Variants in CLCA2 observed in about 807,000 individuals in gnomAD.
CLCA2 encodes the protein chloride channel accessory 2, also known as calcium-activated chloride channel regulator 2.
Under a neutral mutation model 82.9 loss-of-function variants are expected in CLCA2, and 85 were observed. That is an observed-to-expected ratio of 1.03 (90% CI 0.86 to 1.23). The LOEUF (loss-of-function observed/expected upper bound fraction) is 1.23, where lower values mean the gene tolerates loss of function less well. Among genes scored for constraint, CLCA2 ranks in the 50% most tolerant of loss-of-function variants. CLCA2 has a pLI of 0.00. For synonymous variants in CLCA2, 421 were observed against 391.7 expected, an observed-to-expected ratio of 1.07 and a Z score of -0.88; for missense variants, 1,089 against 1,124.8, an observed-to-expected ratio of 0.97 and a Z score of 0.45.
chr1:86,424,541 C>A, intron 1 of CLCA2, 108 bp downstream of exon 1: 1 of 895,050 alleles, frequency 1.1e-6, no homozygotes, highest in Non-Finnish European at 1.6e-6. Context: ...ATACAGAGAA[C>A]AGCATTTTTA....
chr1:86,444,698 C>A (rs561700329), intron 10 of CLCA2, among the ~76,000 whole-genome samples: 25 of 152,026 alleles, frequency 1.6e-4, no homozygotes, highest in Admixed American at 5.9e-4. Flanking sequence ...AGTAGTGAGG[C>A]TAGACAGGTA....
rs1326946942 is a variant in CLCA2 at position 86,447,642 on chromosome 1, C to T, written c.1848C>T (p.Leu616=). 6.2e-7 allele frequency: 1 copy of T among 1,614,092 alleles called. No individual in the cohort carries two copies. Among genetic ancestry groups the T allele is most frequent in the African/African-American group, 1.3e-5 (1 of 75,010 alleles). Residue 616 remains leucine, a synonymous_variant, in exon 11 of 14, where the codon CTC becomes CTT. Transcript: ENST00000370565. ...TVEAFVERDS[L]HFPHPVMIYA... is the part of the protein sequence containing the mutation. Reference sequence around the variant, plus strand: ...AAGCCTTTGTGGAAAGAGACAGCCTCCATTTTCCTCATCCTGTGATGATTT... The same window carrying T: ...AAGCCTTTGTGGAAAGAGACAGCCTTCATTTTCCTCATCCTGTGATGATTT...
Position 86,425,332 on chromosome 1 carries a change from G to T in CLCA2, c.187-7G>T. ...GTAAAGTAAGTTTTTCTTTTGTCTG[G>T]CTGTAGGAAATGATAACTGAAGCTT... On this transcript the variant is annotated splice_polypyrimidine_tract_variant and splice_region_variant and intron_variant, in intron 1 of 13. Coordinates refer to ENST00000370565, the MANE Select transcript of CLCA2 (RefSeq NM_006536.7). 1.3e-6 allele frequency: 2 copies of T among 1,545,528 alleles called. No individual in the cohort carries two copies. Among genetic ancestry groups the T allele is most frequent in the East Asian group, 2.3e-5 (1 of 43,314 alleles).
At chr1:86,445,732 CT>C (rs879815963) in intron 10 of CLCA2, among the ~76,000 whole-genome samples, 17 of 152,112 alleles carry the variant, frequency 1.1e-4, no homozygotes, top group Admixed American at 1.1e-3. Context: ...GTAAGATTTT[CT>C]GCATTCATTT....
intron 12 of CLCA2, among the ~76,000 whole-genome samples, chr1:86,451,417 AT>A (rs1662965677): frequency 6.6e-6 from 1 of 152,092 alleles, no homozygotes; most frequent in Non-Finnish European, 1.5e-5. Context: ...TTATTCATGT[AT>A]TTTAGAAGTT....
intron 12 of CLCA2, among the ~76,000 whole-genome samples, chr1:86,451,063 GA>G (rs1315970833): frequency 1.3e-5 from 2 of 152,114 alleles, no homozygotes; most frequent in Non-Finnish European, 2.9e-5. Flanking sequence ...TTCCTCTATA[GA>G]GGTTTAGGCA....
At chr1:86,444,879 TTTGTTG>T (rs199948615) in intron 10 of CLCA2, among the ~76,000 whole-genome samples, 72 of 148,132 alleles carry the variant, frequency 4.9e-4, no homozygotes, top group African/African-American at 6.2e-4. Flanking sequence ...CACCCCCACT[TTTGTTG>T]TTGTTGTTGT....
chr1:86,446,863 C>T (rs1662864538), intron 10 of CLCA2, among the ~76,000 whole-genome samples: 3 of 152,122 alleles, frequency 2.0e-5, no homozygotes, highest in African/African-American at 4.8e-5. Flanking sequence ...GTAGGTTTTT[C>T]CCAGGCAGAT....
chr1:86,435,804 A>C (rs1218189562), intron 6 of CLCA2, among the ~76,000 whole-genome samples: 1 of 152,186 alleles, frequency 6.6e-6, no homozygotes, highest in African/African-American at 2.4e-5. Flanking sequence ...TGAAATACTC[A>C]AAACTCATCA....
intron 12 of CLCA2, among the ~76,000 whole-genome samples, chr1:86,452,176 C>CTTTTTT (rs753484167): frequency 3.9e-4 from 17 of 43,938 alleles, no homozygotes; most frequent in East Asian, 8.2e-4. Flanking sequence ...AACCTGGAAG[C>CTTTTTT]TTTTTTTTTT....
intron 6 of CLCA2, 91 bp downstream of exon 6, chr1:86,434,836 T>C: frequency 4.7e-6 from 5 of 1,059,960 alleles, no homozygotes; most frequent in Admixed American, 4.2e-5. Context: ...CTGGGGTACA[T>C]GTGCAGGACG....
rs773835115 is a variant in CLCA2 at position 86,428,482 on chromosome 1, G to A, written c.389G>A (p.Arg130Lys). The change falls in exon 3 of 14, where the codon AGA becomes AAA. Residue 130 changes from arginine (R) to lysine (K), a missense_variant. Physicochemically the swap from Arg to Lys is conservative, Grantham distance 26. Transcript: ENST00000370565. ...HGDDPYTLQY[R>K]GCGKEGKYIH... ...GATGATCCATACACCCTACAATACA[G>A]AGGGTGTGGAAAAGAGGGAAAATAC... is the stretch of plus-strand genomic sequence containing the variant. The A allele has an allele frequency of 2.5e-6, 4 of 1,613,180 alleles. No individual in the cohort carries two copies. Among genetic ancestry groups the A allele is most frequent in the South Asian group, 2.2e-5 (2 of 91,040 alleles).
intron 10 of CLCA2, among the ~76,000 whole-genome samples, chr1:86,446,271 T>G (rs2101708408): frequency 6.8e-6 from 1 of 146,450 alleles, no homozygotes; most frequent in East Asian, 2.0e-4. Flanking sequence ...CAGGCCCAAG[T>G]GGTAAATCTT....
rs1662924839 is a variant in CLCA2 at position 86,449,759 on chromosome 1, A to G, written c.1985-804A>G. ...ATAGAGGACAAGCTGCTTGCCCACT[A>G]TGGCCACCTGTACTTGAATGGCAAA... On this transcript the variant is annotated intron_variant, in intron 11 of 13. Coordinates refer to ENST00000370565, the MANE Select transcript of CLCA2 (RefSeq NM_006536.7). Among the ~76,000 whole-genome samples, 3 of 152,282 alleles carry G rather than the reference A, an allele frequency of 2.0e-5. No individual in the cohort carries two copies. In the South Asian group the frequency reaches 6.2e-4, roughly 32 times the overall value.
chr1:86,440,044 G>T, intron 7 of CLCA2, 104 bp from the exon 8 acceptor site: 1 of 1,092,642 alleles, frequency 9.2e-7, no homozygotes, highest in Non-Finnish European at 1.4e-6. Context: ...GATGGGCGTG[G>T]GGTGTAGGAG....
chr1:86,434,870 C>T, intron 6 of CLCA2, 125 bp downstream of exon 6: 2 of 759,098 alleles, frequency 2.6e-6, no homozygotes, highest in East Asian at 2.7e-5. Context: ...CACAGGTAGA[C>T]ATGTGCCATA....
intron 13 of CLCA2, 75 bp from the exon 14 acceptor site, chr1:86,455,010 C>T (rs1312679163): frequency 1.2e-6 from 1 of 853,392 alleles, no homozygotes. Flanking sequence ...TTGCTGTTCT[C>T]ATTAGTAATT....
At position 86,434,543 on chromosome 1, in the gene CLCA2, C is replaced by T. The variant is rs761719997; in HGVS notation, c.770C>T (p.Thr257Ile). 1.2e-6 allele frequency: 2 copies of T among 1,613,950 alleles called. No homozygotes were observed. The highest frequency in any genetic ancestry group is 2.2e-5 in the East Asian group (1 of 44,864). Residue 257 changes from threonine to isoleucine, a missense_variant, in exon 6 of 14, where the codon ACC becomes ATC. Coordinates refer to ENST00000370565, the MANE Select transcript of CLCA2 (RefSeq NM_006536.7). ...GTGGTTGAATTTTGTAATGCAAGTA[C>T]CCACAACCAAGAAGCACCAAACCTA... ...SSVVEFCNASTHNQEAPNLQN... is the reference protein window; with the variant it reads ...SSVVEFCNASIHNQEAPNLQN...
chr1:86,454,291 C>T (rs1468623560), intron 13 of CLCA2, among the ~76,000 whole-genome samples: 2 of 152,082 alleles, frequency 1.3e-5, no homozygotes, highest in Admixed American at 6.5e-5. Flanking sequence ...TGTGTTTTGG[C>T]CTATTTTTTG....
Sources: gnomAD v4.1 joint callset for allele counts (sites outside exome capture counted in the v4.1 genomes callset) on GRCh38, gnomAD v4.1.1 for gene constraint, MANE v1.5 for transcripts, NCBI Gene and HGNC (gene_info 2026-07-23, HGNC 2026-07-21) for gene names.